Variants in SORBS2 observed in about 807,000 individuals in gnomAD.
SORBS2 encodes the protein sorbin and SH3 domain-containing protein 2.
In SORBS2, 46 loss-of-function variants were observed where a neutral mutation model predicts 97.7. The observed-to-expected ratio is 0.47, with a 90% CI of 0.37 to 0.60. SORBS2 has a LOEUF of 0.60. SORBS2 is among the 20% of genes least tolerant of loss of function. SORBS2 has a pLI of 0.00. For synonymous variants in SORBS2, 476 were observed against 473.4 expected (o/e 1.01, Z -0.07); for missense variants, 1,316 against 1,282.3 (o/e 1.03, Z -0.40).
intron 1 of SORBS2, among the ~76,000 whole-genome samples, chr4:185,915,448 T>C (rs1277329584): frequency 5.9e-5 from 9 of 152,170 alleles, no homozygotes; most frequent in African/African-American, 1.9e-4. Flanking sequence ...GGAAAAAGCA[T>C]TGTGCTCTAG....
At chr4:185,916,513 C>G (rs959220500) in intron 1 of SORBS2, among the ~76,000 whole-genome samples, 1 of 152,204 alleles carries the variant, frequency 6.6e-6, no homozygotes, top group African/African-American at 2.4e-5. Context: ...CATTAGCCAA[C>G]TGACTCAATA....
At chr4:185,911,609 A>C in intron 1 of SORBS2, among the ~76,000 whole-genome samples, 1 of 152,102 alleles carries the variant, frequency 6.6e-6, no homozygotes, top group East Asian at 1.9e-4. Context: ...ACATTTTAAC[A>C]TCTAAGTCGG....
At chr4:185,755,505 A>G (rs2098825239) in intron 2 of SORBS2, among the ~76,000 whole-genome samples, 1 of 152,222 alleles carries the variant, frequency 6.6e-6, no homozygotes, top group African/African-American at 2.4e-5. Context: ...ACAGTTTTCT[A>G]CTCATAAAAT....
intron 1 of SORBS2, among the ~76,000 whole-genome samples, chr4:185,807,914 T>C (rs1048994360): frequency 3.3e-5 from 5 of 152,208 alleles, no homozygotes; most frequent in African/African-American, 4.8e-5. Context: ...ATGCTATCCA[T>C]GTAGTTAGAC....
chr4:185,659,517 C>T (rs1282001592), upstream of SORBS2, among the ~76,000 whole-genome samples: 6 of 151,830 alleles, frequency 4.0e-5, no homozygotes, highest in African/African-American at 7.3e-5. Flanking sequence ...CCTGGGTTCA[C>T]GCCGTTCTCC....
rs150377614 is a variant in SORBS2, at chr4:185,678,894, C to A, written c.-197-72G>T. ...GAACAACCCAGTAAAAATAACATGG[C>A]AAAGAACTATATGCATTGTTTTTGC... On this transcript the variant is annotated intron_variant, in intron 2 of 20. Coordinates refer to the SORBS2 transcript ENST00000284776. The A allele has an allele frequency of 1.0e-4, 95 of 912,298 alleles. No homozygotes were observed. The African/African-American group carries it at 1.6e-3, about 15-fold the overall frequency. 56.5% of individuals were successfully genotyped at this position (912,298 alleles called of 1,614,324 possible).
intron 1 of SORBS2, among the ~76,000 whole-genome samples, chr4:185,799,112 A>T (rs1024267449): frequency 6.6e-6 from 1 of 151,666 alleles, no homozygotes; most frequent in African/African-American, 2.4e-5. Context: ...AAGGAGACTT[A>T]GCCTCATAAA....
intron 3 of SORBS2, 32 bp downstream of exon 6, chr4:185,678,764 T>C (rs1561869927): frequency 7.2e-6 from 10 of 1,388,888 alleles, no homozygotes; most frequent in African/African-American, 1.5e-5. Context: ...TCACAAATAA[T>C]ATAATAATTA....
At chr4:185,702,111 A>G (rs548045108) in intron 2 of SORBS2, among the ~76,000 whole-genome samples, 7 of 152,258 alleles carry the variant, frequency 4.6e-5, no homozygotes, top group African/African-American at 1.7e-4. Flanking sequence ...AGAAGTATAT[A>G]TCTACATACC....
intron 3 of SORBS2, 121 bp downstream of exon 6, chr4:185,678,670 GTTTAA>G: frequency 8.1e-7 from 1 of 1,233,348 alleles, no homozygotes; most frequent in Non-Finnish European, 1.1e-6. Flanking sequence ...CTTACTAGAG[GTTTAA>G]TTTAATATGC....
chr4:185,688,625 A>G (rs2098027307), intron 2 of SORBS2, among the ~76,000 whole-genome samples: 1 of 152,172 alleles, frequency 6.6e-6, no homozygotes, highest in African/African-American at 2.4e-5. Flanking sequence ...ATCTATCATC[A>G]TCTGTCTATC....
intron 1 of SORBS2, among the ~76,000 whole-genome samples, chr4:185,868,134 TC>T (rs1372733206): frequency 7.2e-6 from 1 of 139,356 alleles, no homozygotes; most frequent in African/African-American, 2.7e-5. Context: ...TACTTTCCTT[TC>T]TCTTTTCTTT....
intron 1 of SORBS2, among the ~76,000 whole-genome samples, chr4:185,790,433 A>T (rs1209089188): frequency 6.6e-6 from 1 of 152,220 alleles, no homozygotes; most frequent in East Asian, 1.9e-4. Flanking sequence ...TACAAGTACA[A>T]TACGTGTATC....
chr4:185,926,626 G>A (rs2099263857), intron 1 of SORBS2, among the ~76,000 whole-genome samples: 1 of 151,562 alleles, frequency 6.6e-6, no homozygotes, highest in African/African-American at 2.4e-5. Context: ...TACTACTTCT[G>A]GAGCACAGTT....
chr4:185,715,226 T>C lies in SORBS2; in HGVS notation c.-197-36404A>G, dbSNP rs143117964. ...TAAAAGTAGAAGTTATCAGTATTTA[T>C]GCTGATGTAACAGGCATAAAATGGG... On this transcript the variant is annotated intron_variant, in intron 2 of 20. Coordinates refer to the SORBS2 transcript ENST00000284776. Among the ~76,000 whole-genome samples, 13 of 152,344 alleles carry C rather than the reference T, an allele frequency of 8.5e-5. No homozygotes were observed. In the East Asian group the frequency reaches 2.5e-3, roughly 29 times the overall value.
At chr4:185,749,703 G>A (rs987315799) in intron 2 of SORBS2, among the ~76,000 whole-genome samples, 1 of 152,236 alleles carries the variant, frequency 6.6e-6, no homozygotes, top group Non-Finnish European at 1.5e-5. Flanking sequence ...AAAGCAGAAT[G>A]GGCCAGATAG....
At chr4:185,833,549 A>G (rs1215097477) in intron 1 of SORBS2, among the ~76,000 whole-genome samples, 4 of 152,224 alleles carry the variant, frequency 2.6e-5, no homozygotes, top group Non-Finnish European at 5.9e-5. Context: ...TGGTTTGAAA[A>G]AGAAATACTT....
intron 2 of SORBS2, among the ~76,000 whole-genome samples, chr4:185,685,424 G>A (rs534053059): frequency 6.6e-6 from 1 of 152,322 alleles, no homozygotes; most frequent in East Asian, 1.9e-4. Flanking sequence ...CACTCTTCCT[G>A]TAGTTAGTGT....
intron 1 of SORBS2, among the ~76,000 whole-genome samples, chr4:185,832,265 C>T (rs1453417894): frequency 6.6e-6 from 1 of 152,062 alleles, no homozygotes; most frequent in African/African-American, 2.4e-5. Context: ...TGTAAAAACC[C>T]CATCTGATGC....
Sources: gnomAD v4.1 joint callset for allele counts (sites outside exome capture counted in the v4.1 genomes callset) on GRCh38, gnomAD v4.1.1 for gene constraint, MANE v1.5 for transcripts, NCBI Gene and HGNC (gene_info 2026-07-23, HGNC 2026-07-21) for gene names.